ARHGAP15: variants seen among roughly 807,000 people sequenced by gnomAD.
The protein encoded by ARHGAP15 is rho GTPase-activating protein 15.
A neutral mutation model predicts 63.7 loss-of-function variants in ARHGAP15; 51 were observed. The ratio of observed to expected loss-of-function variants is 0.80; its 90% CI spans 0.64 to 1.01. The LOEUF (loss-of-function observed/expected upper bound fraction) is 1.01, where lower values mean the gene tolerates loss of function less well. Among genes scored for constraint, ARHGAP15 ranks in the 50% least tolerant of loss-of-function variants. The probability of loss-of-function intolerance (pLI) is 0.00; values close to 1 mark genes in which losing one functional copy is unlikely to be tolerated. For missense variants in ARHGAP15, 560 were observed against 564.6 expected (o/e 0.99, Z 0.08); for synonymous variants, 191 against 193.8 (o/e 0.99, Z 0.12).
intron 9 of ARHGAP15, among the ~76,000 whole-genome samples, chr2:143,502,168 G>A (rs576843671): frequency 7.2e-5 from 11 of 152,086 alleles, no homozygotes; most frequent in Admixed American, 2.0e-4. Flanking sequence ...CAGCATTTTG[G>A]GAGGCTGAGG....
chr2:143,519,547 G>T, intron 10 of ARHGAP15, 183 bp downstream of exon 10: 1 of 459,354 alleles, frequency 2.2e-6, no homozygotes, highest in Non-Finnish European at 4.0e-6. Flanking sequence ...AGGGACATTA[G>T]TAATTCTCAC....
At chr2:143,335,156 C>T (rs1039823006) in intron 6 of ARHGAP15, among the ~76,000 whole-genome samples, 1 of 152,152 alleles carries the variant, frequency 6.6e-6, no homozygotes, top group East Asian at 1.9e-4. Context: ...ATCATGGACA[C>T]TTTTATTGAG....
chr2:143,165,345 A>G (rs1175509413), intron 2 of ARHGAP15, among the ~76,000 whole-genome samples: 2 of 152,102 alleles, frequency 1.3e-5, no homozygotes, highest in Non-Finnish European at 2.9e-5. Flanking sequence ...ACTTTTGGAC[A>G]CTAAACCTGC....
chr2:143,399,594 C>A (rs567569767), intron 6 of ARHGAP15, among the ~76,000 whole-genome samples: 184 of 152,066 alleles, frequency 1.2e-3, no homozygotes, highest in Non-Finnish European at 2.0e-3. Context: ...GGTTTTCCCA[C>A]GTATTATCTC....
chr2:143,493,487 C>T (rs528851393), intron 9 of ARHGAP15, among the ~76,000 whole-genome samples: 6 of 152,274 alleles, frequency 3.9e-5, no homozygotes, highest in East Asian at 1.9e-4. Context: ...CTTATAATCA[C>T]GCTTTTAGTC....
At chr2:143,507,505 G>A (rs912052007) in intron 9 of ARHGAP15, among the ~76,000 whole-genome samples, 5 of 152,050 alleles carry the variant, frequency 3.3e-5, no homozygotes, top group African/African-American at 1.2e-4. Flanking sequence ...CTATGTTAAG[G>A]CCTTGGACTT....
intron 3 of ARHGAP15, among the ~76,000 whole-genome samples, chr2:143,214,267 A>G (rs1018645048): frequency 1.3e-5 from 2 of 152,206 alleles, no homozygotes; most frequent in Non-Finnish European, 1.5e-5. Flanking sequence ...TGTTAATCAG[A>G]AGAAAACTTA....
intron 2 of ARHGAP15, among the ~76,000 whole-genome samples, chr2:143,189,132 A>G (rs1213379375): frequency 6.6e-6 from 1 of 152,174 alleles, no homozygotes; most frequent in African/African-American, 2.4e-5. Flanking sequence ...TTTTCTCCTC[A>G]AATTTTGAAA....
At chr2:143,591,659 C>A (rs1428034010) in intron 11 of ARHGAP15, among the ~76,000 whole-genome samples, 1 of 143,952 alleles carries the variant, frequency 6.9e-6, no homozygotes, top group Non-Finnish European at 1.5e-5. Flanking sequence ...TTGCTCTTGT[C>A]CCCCAGGCTG....
At chr2:143,281,912 G>A (rs1681869504) in intron 6 of ARHGAP15, among the ~76,000 whole-genome samples, 1 of 152,080 alleles carries the variant, frequency 6.6e-6, no homozygotes, top group East Asian at 1.9e-4. Context: ...AGTCTTCTAT[G>A]AATCCAGTAT....
At chr2:143,750,978 A>G (rs531754635) in intron 13 of ARHGAP15, among the ~76,000 whole-genome samples, 17 of 152,336 alleles carry the variant, frequency 1.1e-4, no homozygotes, top group African/African-American at 3.8e-4. Flanking sequence ...TAGGCTCCAC[A>G]TTAGATGTCA....
chr2:143,435,377 C>T (rs569357259), intron 6 of ARHGAP15: 63 of 1,135,296 alleles, frequency 5.5e-5, no homozygotes, highest in Admixed American at 9.3e-5. Context: ...CTGACTTAAT[C>T]GTTCTATTAT....
intron 6 of ARHGAP15, among the ~76,000 whole-genome samples, chr2:143,312,845 T>C (rs1413742846): frequency 6.6e-6 from 1 of 152,154 alleles, no homozygotes; most frequent in Non-Finnish European, 1.5e-5. Flanking sequence ...CAAATTAATA[T>C]CAACTATATA....
intron 8 of ARHGAP15, among the ~76,000 whole-genome samples, chr2:143,466,915 A>G (rs1448783163): frequency 6.6e-6 from 1 of 152,128 alleles, no homozygotes; most frequent in African/African-American, 2.4e-5. Flanking sequence ...TGTTCATTCC[A>G]AACACAAAAA....
chr2:143,607,203 G>A (rs1698072070), intron 11 of ARHGAP15, among the ~76,000 whole-genome samples: 1 of 152,160 alleles, frequency 6.6e-6, no homozygotes. Context: ...ATTCTATGAT[G>A]TTTCAGGTGG....
chr2:143,185,448 A>G (rs1691402835), intron 2 of ARHGAP15, among the ~76,000 whole-genome samples: 1 of 152,096 alleles, frequency 6.6e-6, no homozygotes, highest in South Asian at 2.1e-4. Context: ...ACCAGGTCAT[A>G]ATCACATGGA....
chr2:143,294,250 G>T (rs925022960), intron 6 of ARHGAP15, among the ~76,000 whole-genome samples: 3 of 151,948 alleles, frequency 2.0e-5, no homozygotes, highest in African/African-American at 7.3e-5. Flanking sequence ...ATAAGCACTA[G>T]GTAAACAAGA....
At chr2:143,398,272 TAA>T (rs1410336882) in intron 6 of ARHGAP15, among the ~76,000 whole-genome samples, 1 of 152,132 alleles carries the variant, frequency 6.6e-6, no homozygotes, top group Non-Finnish European at 1.5e-5. Context: ...CTAAGAGAAT[TAA>T]AGTTTCCTAG....
At chr2:143,293,733 GTAATAT>G (rs955393996) in intron 6 of ARHGAP15, among the ~76,000 whole-genome samples, 1 of 151,962 alleles carries the variant, frequency 6.6e-6, no homozygotes, top group Non-Finnish European at 1.5e-5. Flanking sequence ...GAAACGGAAA[GTAATAT>G]TAATATATAT....
Sources: gnomAD v4.1 joint callset for allele counts (sites outside exome capture counted in the v4.1 genomes callset) on GRCh38, gnomAD v4.1.1 for gene constraint, MANE v1.5 for transcripts, NCBI Gene and HGNC (gene_info 2026-07-23, HGNC 2026-07-21) for gene names.